Variants in IPP observed in about 807,000 individuals in gnomAD.
The protein encoded by IPP is actin-binding protein IPP.
A neutral mutation model predicts 64.1 loss-of-function variants in IPP; 41 were observed. The observed-to-expected ratio is 0.64, with a 90% CI of 0.50 to 0.83. The LOEUF is 0.83. Among genes scored for constraint, IPP ranks in the 40% least tolerant of loss-of-function variants. The probability of loss-of-function intolerance (pLI) is 0.00; values close to 1 mark genes in which losing one functional copy is unlikely to be tolerated. For missense variants in IPP, 649 were observed against 703.0 expected (o/e 0.92, Z 0.87); for synonymous variants, 214 against 235.2 (o/e 0.91, Z 0.83).
At chr1:45,729,511 C>T (rs540117245) in intron 4 of IPP, 103 bp downstream of exon 4, 2 of 846,910 alleles carry the variant, frequency 2.4e-6, no homozygotes, top group African/African-American at 1.7e-5. Context: ...CTCTTCAACA[C>T]ACCCACATAT....
chr1:45,734,519 C>A (rs1045859809), intron 3 of IPP, among the ~76,000 whole-genome samples: 1 of 152,032 alleles, frequency 6.6e-6, no homozygotes, highest in Non-Finnish European at 1.5e-5. Context: ...CACACTGCAG[C>A]CTCAAACTCC....
intron 8 of IPP, among the ~76,000 whole-genome samples, chr1:45,704,716 C>T (rs1004680241): frequency 2.0e-5 from 3 of 152,132 alleles, no homozygotes; most frequent in South Asian, 4.1e-4. Context: ...TGTTTACATA[C>T]ATACATTTCC....
Position 45,711,116 on chromosome 1 carries a change from C to T in IPP, c.1530+3130G>A, listed in dbSNP as rs1396660149. Among the ~76,000 whole-genome samples, 4 of 146,824 alleles carry T rather than the reference C, an allele frequency of 2.7e-5. No homozygotes were observed. The East Asian group carries it at 8.2e-4, about 30-fold the overall frequency. On this transcript the variant is annotated intron_variant, in intron 8 of 8. Transcript: ENST00000396478. ...TTGGGAGGCCGAGGTGGGTGGATCC[C>T]GAGGTCAGGAGATGGAGACCATCCC... is the stretch of plus-strand genomic sequence containing the variant.
chr1:45,719,179 C>A, intron 6 of IPP, 24 bp downstream of exon 6: 1 of 1,611,854 alleles, frequency 6.2e-7, no homozygotes, highest in East Asian at 2.2e-5. Context: ...TATTAGCTAT[C>A]TTTAAACTGA....
intron 7 of IPP, among the ~76,000 whole-genome samples, chr1:45,715,131 G>A (rs1322957715): frequency 6.7e-6 from 1 of 148,952 alleles, no homozygotes; most frequent in South Asian, 2.1e-4. Flanking sequence ...GGAGGCAGAG[G>A]TTACAGTGAG....
At position 45,724,876 on chromosome 1, in the gene IPP, G is replaced by GGGAGGGA. The variant is rs1557749941; in HGVS notation, c.1048+2754_1048+2755insTCCCTCC. Among the ~76,000 whole-genome samples the GGGAGGGA allele has an allele frequency of 1.8e-3, 244 of 135,868 alleles. 2 individuals are homozygous for GGGAGGGA. The highest frequency in any genetic ancestry group is 5.9e-3 in the African/African-American group (213 of 35,982). 89.1% of individuals were successfully genotyped at this position (135,868 alleles called of 152,430 possible). The stretch of plus-strand genomic sequence containing the variant: ...GTCTCCGCCCGGCAGCCACCCCGTC[G>GGGAGGGA]GGGAGGGAGGTGGGGGGGGTCAGCC... On this transcript the variant is annotated intron_variant, in intron 5 of 8. Coordinates refer to ENST00000396478, the MANE Select transcript of IPP (RefSeq NM_005897.3).
At chr1:45,716,216 G>A (rs1300067192) in intron 7 of IPP, among the ~76,000 whole-genome samples, 1 of 152,028 alleles carries the variant, frequency 6.6e-6, no homozygotes, top group African/African-American at 2.4e-5. Context: ...GAAAAAAAAC[G>A]CTAAAGAAGC....
intron 6 of IPP, among the ~76,000 whole-genome samples, chr1:45,718,655 T>C (rs1024850360): frequency 6.6e-6 from 1 of 152,226 alleles, no homozygotes; most frequent in East Asian, 1.9e-4. Flanking sequence ...TAAAGCCAGT[T>C]GGTTTTTAAA....
chr1:45,741,872 C>T (rs1646071535), intron 2 of IPP, among the ~76,000 whole-genome samples: 1 of 78,274 alleles, frequency 1.3e-5, no homozygotes, highest in African/African-American at 4.1e-5. Context: ...TTGTGATCCG[C>T]CCGCCTCGGC....
intron 5 of IPP, among the ~76,000 whole-genome samples, chr1:45,719,986 T>C (rs928058213): frequency 2.6e-5 from 4 of 152,042 alleles, no homozygotes; most frequent in Admixed American, 6.6e-5. Context: ...CCTCCCAAAG[T>C]GTTGGGATTA....
intron 3 of IPP, among the ~76,000 whole-genome samples, chr1:45,733,501 C>A (rs1304977051): frequency 5.4e-5 from 8 of 148,672 alleles, no homozygotes; most frequent in Non-Finnish European, 1.0e-4. Context: ...CCAAACTATG[C>A]CTTACAAAAT....
chr1:45,749,142 C>G (rs1231821801), intron 1 of IPP, among the ~76,000 whole-genome samples: 2 of 152,204 alleles, frequency 1.3e-5, no homozygotes, highest in Admixed American at 6.5e-5. Context: ...GGTACCTCCT[C>G]TGTCCCCTAC....
chr1:45,708,488 G>A (rs201883159), intron 8 of IPP, among the ~76,000 whole-genome samples: 2 of 150,616 alleles, frequency 1.3e-5, no homozygotes, highest in Non-Finnish European at 3.0e-5. Context: ...AGACCAGCCT[G>A]GCCAACATGG....
rs1557742079 is a variant in IPP at position 45,712,877 on chromosome 1, A to AT, written c.1530+1368_1530+1369insA. On this transcript the variant is annotated intron_variant, in intron 8 of 8. Coordinates refer to ENST00000396478, the MANE Select transcript of IPP (RefSeq NM_005897.3). ...TCAAAAAAAAAAAGAAAAAAAAAAAAAATATATATATATATACACACCATC... is the reference window on the plus strand; with the variant it reads ...TCAAAAAAAAAAAGAAAAAAAAAAAATAATATATATATATATACACACCATC... 1.4e-3 allele frequency among the ~76,000 whole-genome samples: 171 copies of AT among 123,306 alleles called. 2 individuals are homozygous for AT. The highest frequency in any genetic ancestry group is 4.0e-3 in the African/African-American group (136 of 33,666). 80.9% of individuals were successfully genotyped at this position (123,306 alleles called of 152,430 possible).
chr1:45,731,808 T>C (rs1645909741), intron 3 of IPP, among the ~76,000 whole-genome samples: 1 of 151,786 alleles, frequency 6.6e-6, no homozygotes, highest in Non-Finnish European at 1.5e-5. Context: ...TGGTGGCACA[T>C]GCCTGTAATC....
At chr1:45,707,750 A>C (rs967898918) in intron 8 of IPP, among the ~76,000 whole-genome samples, 17 of 152,136 alleles carry the variant, frequency 1.1e-4, no homozygotes, top group Admixed American at 7.9e-4. Flanking sequence ...TCTTACATAT[A>C]TATATATAAT....
chr1:45,725,121 T>C (rs1348120821), intron 5 of IPP, among the ~76,000 whole-genome samples: 3 of 57,418 alleles, frequency 5.2e-5, no homozygotes, highest in Non-Finnish European at 6.5e-5. Flanking sequence ...GGAGGGGGGG[T>C]CAGCCCCCCG....
chr1:45,698,719 T>TTC lies in IPP; in HGVS notation c.*1246_*1247insGA. ...CAAAAAAGGAAGAATTTTTTTTTCT[T>TTC]TTTTTTTTTTTTTTTTTGAGACAGG... On this transcript the variant is annotated 3_prime_UTR_variant, in exon 9 of 9. Transcript: ENST00000396478. 6.0e-6 allele frequency: 1 copy of TTC among 167,250 alleles called. No homozygotes were observed. The highest frequency in any genetic ancestry group is 7.8e-6 in the Non-Finnish European group (1 of 128,986). 10.4% of individuals were successfully genotyped at this position (167,250 alleles called of 1,614,324 possible). A position where few individuals can be genotyped will look rare whatever the true frequency, so the allele number is the denominator to read the frequency against.
chr1:45,715,556 G>GT (rs1645647133), intron 7 of IPP, among the ~76,000 whole-genome samples: 1 of 151,636 alleles, frequency 6.6e-6, no homozygotes, highest in South Asian at 2.1e-4. Flanking sequence ...CAGGAGAATG[G>GT]TGTGAACCCG....
Sources: gnomAD v4.1 joint callset for allele counts (sites outside exome capture counted in the v4.1 genomes callset) on GRCh38, gnomAD v4.1.1 for gene constraint, MANE v1.5 for transcripts, NCBI Gene and HGNC (gene_info 2026-07-23, HGNC 2026-07-21) for gene names.